Variants in TBK1 observed in about 807,000 individuals in gnomAD.
TBK1 encodes the protein TANK binding kinase 1.
In TBK1, 37 loss-of-function variants were observed where a neutral mutation model predicts 99.9. The observed-to-expected ratio is 0.37, with a 90% CI of 0.28 to 0.49. The LOEUF (loss-of-function observed/expected upper bound fraction) is 0.49. Ranked by LOEUF, TBK1 falls within the 20% of genes least tolerant of loss-of-function variation. The pLI is 0.98. For missense variants in TBK1, 644 were observed against 872.5 expected, an observed-to-expected ratio of 0.74 and a Z score of 3.30; for synonymous variants, 258 against 279.8, an observed-to-expected ratio of 0.92 and a Z score of 0.78.
chr12:64,496,576 C>T (rs1353221752), intron 16 of TBK1, among the ~76,000 whole-genome samples, 170 bp downstream of exon 16: 3 of 152,082 alleles, frequency 2.0e-5, no homozygotes, highest in Non-Finnish European at 4.4e-5. Context: ...CACATCTGCT[C>T]CCTAATTGGG....
At chr12:64,486,166 C>T (rs1009058153) in intron 11 of TBK1, 149 bp downstream of exon 11, 2 of 519,634 alleles carry the variant, frequency 3.8e-6, no homozygotes, top group Admixed American at 8.0e-5. Context: ...CATTTAGCAG[C>T]TCATTTTTCA....
chr12:64,497,683 T>C lies in TBK1; in HGVS notation c.1995T>C (p.Ala665=), dbSNP rs1209010759. ...QETLPQKMFT[A]SSGIKHTMTP... Reference sequence around the variant, plus strand: ...CTCTGCCTCAGAAAATGTTTACAGCTTCCAGTGGAATCAAACATACCATGA... The same window carrying C: ...CTCTGCCTCAGAAAATGTTTACAGCCTCCAGTGGAATCAAACATACCATGA... Residue 665 remains alanine, a synonymous_variant, in exon 19 of 21, where the codon GCT becomes GCC. Coordinates refer to ENST00000331710, the MANE Select transcript of TBK1 (RefSeq NM_013254.4). 1 of 1,603,612 alleles carries C rather than the reference T, an allele frequency of 6.2e-7. No individual in the cohort carries two copies. The highest frequency in any genetic ancestry group is 1.3e-5 in the African/African-American group (1 of 74,416).
At chr12:64,499,884 G>C (rs997592241) in intron 20 of TBK1, among the ~76,000 whole-genome samples, 1 of 151,868 alleles carries the variant, frequency 6.6e-6, no homozygotes, top group African/African-American at 2.4e-5. Flanking sequence ...TTTTAGTGGA[G>C]ACAAGGTTTC....
At chr12:64,471,361 G>A (rs2040661029) in intron 5 of TBK1, among the ~76,000 whole-genome samples, 1 of 149,162 alleles carries the variant, frequency 6.7e-6, no homozygotes, top group Admixed American at 6.7e-5. Context: ...ATATATATAT[G>A]TATACTTTTG....
At chr12:64,497,346 C>A in intron 18 of TBK1, 87 bp downstream of exon 18, 1 of 997,126 alleles carries the variant, frequency 1.0e-6, no homozygotes, top group Non-Finnish European at 1.4e-6. Context: ...ATAGAATGTG[C>A]CTACATTCAG....
intron 6 of TBK1, among the ~76,000 whole-genome samples, chr12:64,476,318 C>T (rs538465017): frequency 1.7e-4 from 26 of 151,824 alleles, no homozygotes; most frequent in African/African-American, 4.1e-4. Context: ...CCACCACACC[C>T]GGCTAATTTT....
chr12:64,499,615 G>A (rs79666850), intron 20 of TBK1, among the ~76,000 whole-genome samples: 1 of 146,882 alleles, frequency 6.8e-6, no homozygotes, highest in Non-Finnish European at 1.5e-5. Flanking sequence ...ATAGTATCCA[G>A]TTTACAGTTT....
chr12:64,459,846 G>A (rs542575234), intron 2 of TBK1, among the ~76,000 whole-genome samples: 5 of 152,060 alleles, frequency 3.3e-5, no homozygotes, highest in East Asian at 3.9e-4. Context: ...TTTCTATTTC[G>A]TCTTTAAAAG....
rs187355260 is a variant in TBK1, at chr12:64,477,277, T to C, written c.702-2735T>C. 3.3e-5 allele frequency among the ~76,000 whole-genome samples: 5 copies of C among 152,360 alleles called. No individual in the cohort carries two copies. In the East Asian group the frequency reaches 7.7e-4, roughly 23 times the overall value. ...GCGCAGTATGGATATTTTAATGATA[T>C]TGATTCTTCCAACCCATGCGCATGG... On this transcript the variant is annotated intron_variant, in intron 6 of 20. Coordinates refer to ENST00000331710, the MANE Select transcript of TBK1 (RefSeq NM_013254.4).
chr12:64,474,466 G>A, intron 6 of TBK1, 76 bp downstream of exon 6: 2 of 1,341,746 alleles, frequency 1.5e-6, no homozygotes, highest in South Asian at 1.5e-5. Flanking sequence ...TATTGTTAGT[G>A]GTTTATGCTA....
rs150225680 is a variant in TBK1, at chr12:64,488,861, G to A, written c.1442+273G>A. Among the ~76,000 whole-genome samples, 861 of 152,184 alleles carry A rather than the reference G, an allele frequency of 5.7e-3. 10 individuals are homozygous for A. Among genetic ancestry groups the A allele is most frequent in the African/African-American group, 0.019 (786 of 41,538 alleles). ...ACAAACATTAGTTGGGTGTGGTGGCGCACGCCTGTAGTCCCAGCAACTCGG... is the reference window on the plus strand; with the variant it reads ...ACAAACATTAGTTGGGTGTGGTGGCACACGCCTGTAGTCCCAGCAACTCGG... On this transcript the variant is annotated intron_variant, in intron 12 of 20. Coordinates refer to ENST00000331710, the MANE Select transcript of TBK1 (RefSeq NM_013254.4).
At chr12:64,457,972 A>G (rs886197242) in intron 2 of TBK1, among the ~76,000 whole-genome samples, 9 of 152,244 alleles carry the variant, frequency 5.9e-5, no homozygotes, top group Admixed American at 2.0e-4. Context: ...GAAGTCGAGC[A>G]TGGTGGCTCA....
rs976625385 is a variant in TBK1 at position 64,496,312 on chromosome 12, G to A, written c.1721-55G>A. The A allele has an allele frequency of 1.0e-5, 9 of 863,934 alleles. No homozygotes were observed. In the African/African-American group the frequency reaches 1.4e-4, roughly 14 times the overall value. The allele number at this position is 863,934 out of a possible 1,614,324, so 53.5% of individuals were successfully genotyped here. A position where few individuals can be genotyped will look rare whatever the true frequency, so the allele number is the denominator to read the frequency against. ...CAATAATCTCAAAAGAAAATACATT[G>A]TGTATAATATTATGATTCTATATTA... On this transcript the variant is annotated intron_variant, in intron 15 of 20. Transcript: ENST00000331710.
At position 64,474,405 on chromosome 12, in the gene TBK1, G is replaced by A. The variant is rs374619568; in HGVS notation, c.701+15G>A. The A allele has an allele frequency of 3.5e-5, 55 of 1,594,058 alleles. No homozygotes were observed. The highest frequency in any genetic ancestry group is 4.3e-5 in the Non-Finnish European group (50 of 1,169,534). The stretch of plus-strand genomic sequence containing the variant: ...AAAGAAGTGATGTAAGTGGTTTCCC[G>A]ATCTAAAATCAGAGAAGCATTTAAA... On this transcript the variant is annotated intron_variant, in intron 6 of 20. Coordinates refer to ENST00000331710, the MANE Select transcript of TBK1 (RefSeq NM_013254.4).
At position 64,481,988 on chromosome 12, in the gene TBK1, C is replaced by T. The variant is rs1238444122; in HGVS notation, c.959C>T (p.Thr320Ile). The T allele has an allele frequency of 6.2e-7, 1 of 1,602,372 alleles. No homozygotes were observed. ...VIHVFSLQQM[T>I]AHKIYIHSYN... The stretch of plus-strand genomic sequence containing the variant: ...CATGTTTTTTCGCTACAACAAATGA[C>T]AGCTCATAAGATTTATATTCATAGC... Residue 320 changes from threonine to isoleucine, a missense_variant, in exon 8 of 21, where the codon ACA becomes ATA. This residue lies in a region of TBK1 where 465 missense variants were observed against 588.0 expected (regional missense o/e 0.79). Coordinates refer to ENST00000331710, the MANE Select transcript of TBK1 (RefSeq NM_013254.4).
At chr12:64,454,513 C>G (rs2040463292) in intron 1 of TBK1, among the ~76,000 whole-genome samples, 1 of 152,048 alleles carries the variant, frequency 6.6e-6, no homozygotes, top group South Asian at 2.1e-4. Flanking sequence ...TCCCAGAGTG[C>G]TGGGATTACA....
Position 64,495,491 on chromosome 12 carries a change from T to G in TBK1, c.1530T>G (p.Ser510Arg), listed in dbSNP as rs1179646873. Residue 510 changes from serine (S) to arginine (R), a missense_variant, in exon 14 of 21, where the codon AGT (serine) becomes AGG (arginine). Ser to Arg is a moderately radical substitution (Grantham distance 110). Transcript: ENST00000331710. ...DIHTKLLRLS[S>R]SQGTIETSLQ... Reference sequence around the variant, plus strand: ...CCTTTGGTTTTATTTAGCTTTCCAGTTCTCAGGGAACAATAGAAACCAGTC... The same window carrying G: ...CCTTTGGTTTTATTTAGCTTTCCAGGTCTCAGGGAACAATAGAAACCAGTC... 1 of 1,613,482 alleles carries G rather than the reference T, an allele frequency of 6.2e-7. No individual in the cohort carries two copies. The highest frequency in any genetic ancestry group is 8.5e-7 in the Non-Finnish European group (1 of 1,179,790).
At chr12:64,499,678 GAC>G (rs1356300736) in intron 20 of TBK1, among the ~76,000 whole-genome samples, 1 of 144,234 alleles carries the variant, frequency 6.9e-6, no homozygotes, top group Non-Finnish European at 1.5e-5. Context: ...AAGTAGAAGA[GAC>G]TATAAAGATG....
At position 64,500,796 on chromosome 12, in the gene TBK1, TCA is replaced by T. The variant is rs1440937086; in HGVS notation, c.2139-532_2139-531del. ...TTTTTTGAGACAAAGTCTCACTCTGTCACCCAGGCTAGAGTGCGGTGGCATGA... is the reference window on the plus strand; with the variant it reads ...TTTTTTGAGACAAAGTCTCACTCTGTCCCAGGCTAGAGTGCGGTGGCATGA... On this transcript the variant is annotated intron_variant, in intron 20 of 20. Transcript: ENST00000331710. Among the ~76,000 whole-genome samples the T allele has an allele frequency of 1.4e-4, 20 of 146,972 alleles. No homozygotes were observed. The South Asian group carries it at 4.5e-3, about 33-fold the overall frequency.
Sources: gnomAD v4.1 joint callset for allele counts (sites outside exome capture counted in the v4.1 genomes callset) on GRCh38, gnomAD v4.1.1 for gene constraint, gnomAD v4.1.1 regional missense constraint, MANE v1.5 for transcripts, NCBI Gene and HGNC (gene_info 2026-07-23, HGNC 2026-07-21) for gene names.